DIAPH3: variants seen among roughly 807,000 people sequenced by gnomAD.
DIAPH3 encodes diaphanous related formin 3.
In DIAPH3, 117 loss-of-function variants were observed where a neutral mutation model predicts 144.3. That is an observed-to-expected ratio of 0.81 (90% CI 0.70 to 0.95). The LOEUF (loss-of-function observed/expected upper bound fraction) is 0.95, where lower values mean the gene tolerates loss of function less well. Among genes scored for constraint, DIAPH3 ranks in the 40% least tolerant of loss-of-function variants. The pLI is 0.00. For synonymous variants in DIAPH3, 519 were observed against 488.9 expected, an observed-to-expected ratio of 1.06 and a Z score of -0.81; for missense variants, 1,421 against 1,412.7, an observed-to-expected ratio of 1.01 and a Z score of -0.09.
At chr13:60,012,122 G>GA (rs2053311233) in intron 7 of DIAPH3, among the ~76,000 whole-genome samples, 1 of 152,152 alleles carries the variant, frequency 6.6e-6, no homozygotes, top group African/African-American at 2.4e-5. Context: ...CATTGAAGTT[G>GA]AATCTATAAC....
intron 27 of DIAPH3, among the ~76,000 whole-genome samples, chr13:59,761,909 C>T (rs948357243): frequency 6.6e-5 from 10 of 152,004 alleles, no homozygotes; most frequent in Non-Finnish European, 1.3e-4. Context: ...TACAGATAAA[C>T]TTAGAAGCTC....
intron 1 of DIAPH3, among the ~76,000 whole-genome samples, chr13:60,140,075 C>G (rs1433718405): frequency 6.6e-6 from 1 of 152,198 alleles, no homozygotes; most frequent in African/African-American, 2.4e-5. Flanking sequence ...CCAGAGTCAC[C>G]TTGAAGCTTA....
chr13:59,940,838 C>A (rs146745341), intron 17 of DIAPH3, among the ~76,000 whole-genome samples: 1 of 152,178 alleles, frequency 6.6e-6, no homozygotes, highest in Non-Finnish European at 1.5e-5. Flanking sequence ...CAAAGCCTAT[C>A]TAGCCCATCA....
intron 27 of DIAPH3, among the ~76,000 whole-genome samples, chr13:59,675,706 G>A (rs868313081): frequency 5.3e-5 from 8 of 152,326 alleles, no homozygotes; most frequent in Middle Eastern, 3.4e-3. Flanking sequence ...AGATAAGGAA[G>A]TTGAGGTTTA....
At chr13:59,922,983 G>T (rs1224019194) in intron 18 of DIAPH3, among the ~76,000 whole-genome samples, 2 of 152,094 alleles carry the variant, frequency 1.3e-5, no homozygotes, top group Non-Finnish European at 2.9e-5. Flanking sequence ...TACCTATACT[G>T]TTAATGCTAA....
At chr13:59,898,657 G>A (rs1239560843) in intron 20 of DIAPH3, among the ~76,000 whole-genome samples, 1 of 152,202 alleles carries the variant, frequency 6.6e-6, no homozygotes, top group African/African-American at 2.4e-5. Context: ...GTGAGTACCT[G>A]ACAGAATGAT....
chr13:59,857,584 T>C (rs1201362284), intron 22 of DIAPH3, among the ~76,000 whole-genome samples: 2 of 152,180 alleles, frequency 1.3e-5, no homozygotes, highest in African/African-American at 2.4e-5. Flanking sequence ...ACACTGAATA[T>C]TGATCTCTTC....
intron 17 of DIAPH3, among the ~76,000 whole-genome samples, chr13:59,936,542 A>C (rs1005140661): frequency 2.6e-5 from 4 of 152,190 alleles, no homozygotes; most frequent in African/African-American, 9.6e-5. Flanking sequence ...AATCCTGAAA[A>C]GTTAAGCCTA....
At chr13:60,035,520 C>T (rs887902890) in intron 5 of DIAPH3, among the ~76,000 whole-genome samples, 3 of 152,132 alleles carry the variant, frequency 2.0e-5, no homozygotes, top group Admixed American at 2.0e-4. Flanking sequence ...TATTTGAAAA[C>T]ATTAATAGTT....
chr13:60,118,717 T>C (rs991309950), intron 2 of DIAPH3, among the ~76,000 whole-genome samples: 5 of 152,366 alleles, frequency 3.3e-5, no homozygotes, highest in Middle Eastern at 3.4e-3. Context: ...TTCACAATCC[T>C]GTCCAGCCAC....
At chr13:60,051,845 A>T (rs2670490) in intron 4 of DIAPH3, among the ~76,000 whole-genome samples, 84,464 of 151,956 alleles carry the variant, frequency 0.56, 24,021 homozygotes, top group Admixed American at 0.61. Context: ...TGAAAAAAGC[A>T]GCCATATAAT....
chr13:60,109,859 A>T (rs1419573602), intron 3 of DIAPH3, among the ~76,000 whole-genome samples: 1 of 152,260 alleles, frequency 6.6e-6, no homozygotes, highest in Non-Finnish European at 1.5e-5. Flanking sequence ...GTAGTGATGA[A>T]CACAACTATT....
intron 1 of DIAPH3, among the ~76,000 whole-genome samples, chr13:60,136,937 C>A (rs1199489466): frequency 1.8e-4 from 8 of 43,316 alleles, no homozygotes; most frequent in African/African-American, 2.7e-4. Context: ...GAGACTCCGT[C>A]TCAAAAAAAA....
chr13:60,083,267 T>G (rs931426114), intron 4 of DIAPH3, among the ~76,000 whole-genome samples: 11 of 151,982 alleles, frequency 7.2e-5, no homozygotes, highest in Non-Finnish European at 1.6e-4. Context: ...TGATAGAGAA[T>G]GAAATCAATA....
chr13:59,690,314 T>G (rs2033442344), intron 27 of DIAPH3, among the ~76,000 whole-genome samples: 2 of 152,240 alleles, frequency 1.3e-5, no homozygotes, highest in South Asian at 4.1e-4. Context: ...CCAAGTTGGC[T>G]GGACAGATGC....
At chr13:59,777,865 C>T (rs894404378) in intron 25 of DIAPH3, among the ~76,000 whole-genome samples, 16 of 151,906 alleles carry the variant, frequency 1.1e-4, no homozygotes, top group Admixed American at 2.0e-4. Context: ...TAAAGAGGAA[C>T]GACAATGAAG....
chr13:59,726,163 A>T (rs969050055), intron 27 of DIAPH3, among the ~76,000 whole-genome samples: 11 of 152,238 alleles, frequency 7.2e-5, no homozygotes, highest in Non-Finnish European at 1.6e-4. Flanking sequence ...CCAAATTTAT[A>T]GAAAGCATTT....
At chr13:60,110,381 C>A (rs150067790) in intron 3 of DIAPH3, among the ~76,000 whole-genome samples, 111 of 152,216 alleles carry the variant, frequency 7.3e-4, no homozygotes, top group African/African-American at 2.5e-3. Flanking sequence ...GTAACAGATA[C>A]GTACAAGCCA....
At chr13:59,894,335 C>T (rs891914823) in intron 20 of DIAPH3, among the ~76,000 whole-genome samples, 15 of 151,924 alleles carry the variant, frequency 9.9e-5, no homozygotes, top group African/African-American at 3.4e-4. Flanking sequence ...ATAATTAAGG[C>T]TCGTGGGCAT....
Sources: allele counts gnomAD v4.1 joint callset (sites outside exome capture counted in the v4.1 genomes callset), GRCh38; gene constraint gnomAD v4.1.1; transcripts MANE v1.5; gene names NCBI Gene and HGNC (gene_info 2026-07-23, HGNC 2026-07-21).